COL25A1: variants seen among roughly 807,000 people sequenced by gnomAD.
COL25A1 encodes collagen alpha-1(XXV) chain.
Under a neutral mutation model 128.4 loss-of-function variants are expected in COL25A1, and 103 were observed. That is an observed-to-expected ratio of 0.80 (90% confidence interval 0.68 to 0.94). The LOEUF (loss-of-function observed/expected upper bound fraction) is 0.94, where lower values mean the gene tolerates loss of function less well. Ranked by LOEUF, COL25A1 falls within the 40% of genes least tolerant of loss-of-function variation. The pLI is 0.00. For missense variants in COL25A1, 745 were observed against 840.0 expected (o/e 0.89, Z 1.40); for synonymous variants, 279 against 277.2 (o/e 1.01, Z -0.06).
At chr4:109,012,501 G>A (rs1756707096) in intron 5 of COL25A1, among the ~76,000 whole-genome samples, 1 of 152,174 alleles carries the variant, frequency 6.6e-6, no homozygotes, top group Admixed American at 6.5e-5. Flanking sequence ...AACTTGGGCT[G>A]CGTGCAGCGC....
intron 5 of COL25A1, among the ~76,000 whole-genome samples, chr4:109,016,124 C>G (rs1757189561): frequency 6.6e-6 from 1 of 152,184 alleles, no homozygotes; most frequent in Non-Finnish European, 1.5e-5. Context: ...CCCTCCTGCC[C>G]CTGCAGACTT....
At chr4:109,072,713 T>A (rs542914146) in intron 3 of COL25A1, among the ~76,000 whole-genome samples, 1 of 152,222 alleles carries the variant, frequency 6.6e-6, no homozygotes, top group South Asian at 2.1e-4. Flanking sequence ...TTGAAGGCTC[T>A]GAGATGACAA....
intron 20 of COL25A1, among the ~76,000 whole-genome samples, 128 bp downstream of exon 20, chr4:108,868,932 GAAGGAAAGAAAGAAAAGAAAGAAAGAAA>G (rs1241869953): frequency 4.1e-5 from 6 of 145,234 alleles, no homozygotes; most frequent in African/African-American, 1.5e-4. Flanking sequence ...AGAAAAGAAG[GAAGGAAAGAAAGAAAAGAAAGAAAGAAA>G]AAGGAAAGAA....
intron 3 of COL25A1, among the ~76,000 whole-genome samples, chr4:109,189,699 A>G: frequency 6.6e-6 from 1 of 151,914 alleles, no homozygotes; most frequent in Non-Finnish European, 1.5e-5. Flanking sequence ...TTATCTTAAT[A>G]CTCCATATTT....
At chr4:109,255,276 G>T (rs1341051981) in intron 3 of COL25A1, among the ~76,000 whole-genome samples, 2 of 151,712 alleles carry the variant, frequency 1.3e-5, no homozygotes, top group South Asian at 4.2e-4. Flanking sequence ...CTATTTCAAG[G>T]GTAACTTCAT....
At chr4:109,225,560 A>G (rs1467380943) in intron 3 of COL25A1, among the ~76,000 whole-genome samples, 1 of 152,154 alleles carries the variant, frequency 6.6e-6, no homozygotes, top group African/African-American at 2.4e-5. Context: ...CAAAGAACTA[A>G]AAAGAGAACT....
chr4:109,020,706 T>A (rs1757659235), intron 5 of COL25A1, among the ~76,000 whole-genome samples: 1 of 152,238 alleles, frequency 6.6e-6, no homozygotes, highest in African/African-American at 2.4e-5. Flanking sequence ...ATAACTAACA[T>A]GTTCATATGT....
intron 3 of COL25A1, among the ~76,000 whole-genome samples, chr4:109,166,530 A>G (rs1773088864): frequency 1.3e-5 from 2 of 152,214 alleles, no homozygotes; most frequent in Admixed American, 1.3e-4. Flanking sequence ...AAAACAAGCC[A>G]TCTACTGTGA....
At chr4:109,159,500 T>C (rs1772358348) in intron 3 of COL25A1, among the ~76,000 whole-genome samples, 1 of 152,170 alleles carries the variant, frequency 6.6e-6, no homozygotes, top group Non-Finnish European at 1.5e-5. Flanking sequence ...TGTCCCACCA[T>C]CCTTTGCTAG....
chr4:108,825,659 T>G (rs565579432), intron 33 of COL25A1, among the ~76,000 whole-genome samples: 128 of 152,324 alleles, frequency 8.4e-4, no homozygotes, highest in African/African-American at 3.1e-3. Context: ...ACTGTTTAGC[T>G]GATTTAAAAA....
chr4:109,003,246 A>G (rs1302049947), intron 6 of COL25A1, among the ~76,000 whole-genome samples: 5 of 152,362 alleles, frequency 3.3e-5, no homozygotes, highest in African/African-American at 9.6e-5. Context: ...CAGAATCTAC[A>G]TAGAACTTAA....
chr4:109,018,886 A>T lies in COL25A1; in HGVS notation c.421-8511T>A, dbSNP rs79534229. Among the ~76,000 whole-genome samples the T allele has an allele frequency of 8.0e-3, 1,226 of 152,324 alleles. 18 individuals carry two copies. Among genetic ancestry groups the T allele is most frequent in the African/African-American group, 0.027 (1,135 of 41,574 alleles). On this transcript the variant is annotated intron_variant, in intron 5 of 37. Coordinates refer to ENST00000399132, the MANE Select transcript of COL25A1 (RefSeq NM_198721.4). ...GAAAGTATTCTCTTGGCTTCTGTTCACTGCAGAATAAATGCATCAGTGTTG... is the reference window on the plus strand; with the variant it reads ...GAAAGTATTCTCTTGGCTTCTGTTCTCTGCAGAATAAATGCATCAGTGTTG...
rs977686929 is a variant in COL25A1 at position 108,841,577 on chromosome 4, C to G, written c.1656+118G>C. On this transcript the variant is annotated intron_variant, in intron 31 of 37. Transcript: ENST00000399132. ...TTAAACATATGGATGCTTAAAGGCT[C>G]AAAGATTATCAACATTACTTGACAA... is the stretch of plus-strand genomic sequence containing the variant. The G allele has an allele frequency of 3.4e-5, 28 of 828,746 alleles. 1 individual carries two copies. Among genetic ancestry groups the G allele is most frequent in the African/African-American group, 1.4e-4 (8 of 58,132 alleles). 51.3% of individuals were successfully genotyped at this position (828,746 alleles called of 1,614,324 possible).
chr4:109,267,823 C>T (rs186951980), intron 3 of COL25A1, among the ~76,000 whole-genome samples: 1 of 152,218 alleles, frequency 6.6e-6, no homozygotes, highest in African/African-American at 2.4e-5. Flanking sequence ...TACTTCAGGT[C>T]CCAAGCATCT....
intron 3 of COL25A1, among the ~76,000 whole-genome samples, chr4:109,176,622 T>A (rs1431344188): frequency 6.6e-6 from 1 of 152,116 alleles, no homozygotes; most frequent in Non-Finnish European, 1.5e-5. Context: ...CCCAAAAAGA[T>A]ATGTCCAAGC....
chr4:109,123,089 A>G (rs1768259265), intron 3 of COL25A1, among the ~76,000 whole-genome samples: 2 of 152,014 alleles, frequency 1.3e-5, no homozygotes, highest in African/African-American at 4.8e-5. Flanking sequence ...AATTAATCCC[A>G]CTATTTAAGG....
chr4:109,291,839 T>C (rs1724500814), intron 3 of COL25A1, among the ~76,000 whole-genome samples: 1 of 152,142 alleles, frequency 6.6e-6, no homozygotes, highest in South Asian at 2.1e-4. Flanking sequence ...AACAGTACCA[T>C]GCTCAGTTAC....
At chr4:108,896,763 G>A in intron 15 of COL25A1, 52 bp from the exon 16 acceptor site, 1 of 1,481,788 alleles carries the variant, frequency 6.7e-7, no homozygotes, top group Non-Finnish European at 9.4e-7. Flanking sequence ...ACGTCAAGCA[G>A]ATAATATTTT....
At chr4:109,011,137 C>G (rs1756540263) in intron 5 of COL25A1, among the ~76,000 whole-genome samples, 1 of 152,124 alleles carries the variant, frequency 6.6e-6, no homozygotes, top group African/African-American at 2.4e-5. Flanking sequence ...TTCATATCAC[C>G]TTCTTAAAAT....
Sources: allele counts gnomAD v4.1 joint callset (sites outside exome capture counted in the v4.1 genomes callset), GRCh38; gene constraint gnomAD v4.1.1; transcripts MANE v1.5; gene names NCBI Gene and HGNC (gene_info 2026-07-23, HGNC 2026-07-21).